Variants in CCDC125 observed in about 807,000 individuals in gnomAD.
CCDC125 encodes coiled-coil domain-containing protein 125.
In CCDC125, 43 loss-of-function variants were observed where a neutral mutation model predicts 57.4. The ratio of observed to expected loss-of-function variants is 0.75; its 90% CI spans 0.59 to 0.97. CCDC125 has a LOEUF of 0.97. CCDC125 is among the 50% of genes least tolerant of loss of function. The pLI, the probability that CCDC125 is intolerant of heterozygous loss-of-function variation, is 0.00. For synonymous variants in CCDC125, 187 were observed against 195.2 expected (o/e 0.96, Z 0.35); for missense variants, 563 against 595.7 (o/e 0.95, Z 0.57).
intron 7 of CCDC125, among the ~76,000 whole-genome samples, chr5:69,303,077 T>G (rs1756756350): frequency 6.6e-6 from 1 of 152,168 alleles, no homozygotes. Flanking sequence ...TGCAGTGCAG[T>G]GGCACAATCA....
At chr5:69,324,374 T>C (rs1175700770) in intron 1 of CCDC125, among the ~76,000 whole-genome samples, 3 of 152,214 alleles carry the variant, frequency 2.0e-5, no homozygotes, top group Non-Finnish European at 4.4e-5. Flanking sequence ...GAAACTCTCA[T>C]ACATTGGTGA....
At chr5:69,289,469 TAACCTGGATTG>T (rs1398993297) in intron 10 of CCDC125, among the ~76,000 whole-genome samples, 2 of 152,240 alleles carry the variant, frequency 1.3e-5, no homozygotes, top group African/African-American at 4.8e-5. Context: ...CAAAATCACC[TAACCTGGATTG>T]AACATTAAAG....
intron 1 of CCDC125, among the ~76,000 whole-genome samples, chr5:69,332,224 G>C (rs924876085): frequency 2.7e-4 from 41 of 152,216 alleles, no homozygotes; most frequent in Admixed American, 2.4e-3. Context: ...TAGATGTACA[G>C]TAAATTGCAA....
At chr5:69,307,023 T>C (rs1279365841) in intron 5 of CCDC125, 121 bp from the exon 6 acceptor site, 1 of 1,133,392 alleles carries the variant, frequency 8.8e-7, no homozygotes, top group Non-Finnish European at 1.1e-6. Context: ...GAGAAAAAAT[T>C]AATTATTGCT....
downstream of CCDC125, among the ~76,000 whole-genome samples, chr5:69,278,776 C>G (rs1752325433): frequency 6.8e-6 from 1 of 146,520 alleles, no homozygotes. Flanking sequence ...TCATGGCTCA[C>G]TGCAGCTTCG....
chr5:69,303,300 T>A (rs1756792373), intron 7 of CCDC125, among the ~76,000 whole-genome samples: 1 of 152,024 alleles, frequency 6.6e-6, no homozygotes, highest in Non-Finnish European at 1.5e-5. Context: ...TCCTCCTGCC[T>A]TGGCCTCCCA....
At chr5:69,303,166 A>G (rs1026723083) in intron 7 of CCDC125, among the ~76,000 whole-genome samples, 5 of 151,966 alleles carry the variant, frequency 3.3e-5, no homozygotes, top group Non-Finnish European at 7.4e-5. Context: ...ACTACAGGCC[A>G]GTGCCACCAC....
Position 69,308,006 on chromosome 5 carries a change from C to T in CCDC125, c.476G>A (p.Ser159Asn). ...QSMAILGKAT[S>N]HTQAVLQKTM... ...TTTTTGAAGCACTGCCTGCGTATGA[C>T]TTGTGGCTTTGCCCAGTATTGCCTA... The change falls in exon 5 of 12, where the codon AGT (serine) becomes AAT (asparagine). Residue 159 changes from serine to asparagine, a missense_variant. Physicochemically the swap from Ser to Asn is conservative, Grantham distance 46. Coordinates refer to ENST00000396496, the MANE Select transcript of CCDC125 (RefSeq NM_176816.5). 6.2e-7 allele frequency: 1 copy of T among 1,613,928 alleles called. No homozygotes were observed.
intron 1 of CCDC125, among the ~76,000 whole-genome samples, chr5:69,322,836 C>G (rs1225736158): frequency 6.7e-6 from 1 of 149,764 alleles, no homozygotes; most frequent in Non-Finnish European, 1.5e-5. Context: ...GCTGGGATTA[C>G]AGGTGTGAGC....
intron 10 of CCDC125, among the ~76,000 whole-genome samples, chr5:69,288,520 G>A (rs1221787305): frequency 6.6e-6 from 1 of 152,182 alleles, no homozygotes; most frequent in African/African-American, 2.4e-5. Context: ...GCCAAAGAGA[G>A]CATCCCTTCC....
At chr5:69,301,450 C>T (rs1756427165) in intron 7 of CCDC125, among the ~76,000 whole-genome samples, 1 of 151,804 alleles carries the variant, frequency 6.6e-6, no homozygotes, top group Non-Finnish European at 1.5e-5. Flanking sequence ...CAAAGTGAGT[C>T]ACCCCCATGT....
In CCDC125 at chr5:69,300,054, C is replaced by T. The variant is rs868414059; in HGVS notation, c.774G>A (p.Met258Ile). The change falls in exon 8 of 12, where the codon ATG becomes ATA. Residue 258 changes from methionine (M) to isoleucine (I), a missense_variant. By Grantham distance (10) the Met-to-Ile change is conservative (BLOSUM62 1). Coordinates refer to ENST00000396496, the MANE Select transcript of CCDC125 (RefSeq NM_176816.5). ...IKQQKMAQEN[M>I]CCDKSGFAEA... Reference sequence around the variant, plus strand: ...CTGCAAAGCCACTTTTATCACAGCACATGTTTTCCTGAGCCATCTTCTGCT... The same window carrying T: ...CTGCAAAGCCACTTTTATCACAGCATATGTTTTCCTGAGCCATCTTCTGCT... 3.7e-6 allele frequency: 6 copies of T among 1,614,226 alleles called. No individual in the cohort carries two copies. In the African/African-American group the frequency reaches 8.0e-5, roughly 22 times the overall value.
At chr5:69,327,094 CT>C (rs34614722) in intron 1 of CCDC125, among the ~76,000 whole-genome samples, 39,914 of 136,568 alleles carry the variant, frequency 0.29, 6,488 homozygotes, top group African/African-American at 0.51. Flanking sequence ...TATTCTCCCA[CT>C]TTTTTTTTTT....
At chr5:69,288,292 C>T (rs895942598) in intron 10 of CCDC125, among the ~76,000 whole-genome samples, 3 of 152,086 alleles carry the variant, frequency 2.0e-5, no homozygotes, top group Admixed American at 2.0e-4. Context: ...GCCAGGGGAA[C>T]CAATCTTGTG....
rs907939531 is a variant in CCDC125, at chr5:69,318,522, C to T, written c.304+1715G>A. ...TTTTGGGAGGCTGAGGTGGGCGGAT[C>T]ACTTGAGGTCAGGAGTTTGAAACCA... On this transcript the variant is annotated intron_variant, in intron 2 of 11. Transcript: ENST00000396496. Among the ~76,000 whole-genome samples the T allele has an allele frequency of 1.1e-4, 16 of 149,552 alleles. No homozygotes were observed. In the South Asian group the frequency reaches 3.4e-3, roughly 32 times the overall value.
chr5:69,295,855 C>T (rs1436833647), intron 8 of CCDC125, among the ~76,000 whole-genome samples: 1 of 151,740 alleles, frequency 6.6e-6, no homozygotes, highest in African/African-American at 2.4e-5. Flanking sequence ...TATAAGCCAG[C>T]ACAAACTTCT....
chr5:69,311,374 G>A (rs554788345), intron 3 of CCDC125, among the ~76,000 whole-genome samples, 170 bp from the exon 4 acceptor site: 16 of 152,272 alleles, frequency 1.1e-4, no homozygotes, highest in East Asian at 5.8e-4. Flanking sequence ...AGCCTCGGCC[G>A]GGCAAGGTGG....
rs1294336627 is a variant in CCDC125 at position 69,311,147 on chromosome 5, C to T, written c.424G>A (p.Glu142Lys). 1 of 1,611,488 alleles carries T rather than the reference C, an allele frequency of 6.2e-7. No individual in the cohort carries two copies. Among genetic ancestry groups the T allele is most frequent in the Non-Finnish European group, 8.5e-7 (1 of 1,178,354 alleles). Residue 142 changes from glutamate to lysine, a missense_variant, in exon 4 of 12, where the codon GAG (glutamate) becomes AAG (lysine). Physicochemically the swap from Glu to Lys is moderately conservative, Grantham distance 56. Transcript: ENST00000396496. ...CTTTGAAGAATTTTCAATGCTTCCT[C>T]TTTACCTCTGAGTTGTCTTTGAGAT... Reference protein sequence around the residue: ...EASQRQLRGKEEALKILQSMA... With the variant: ...EASQRQLRGKKEALKILQSMA...
At chr5:69,328,219 TTAAAA>T (rs1387236187) in intron 1 of CCDC125, among the ~76,000 whole-genome samples, 3 of 152,166 alleles carry the variant, frequency 2.0e-5, no homozygotes. Context: ...ATTTTTTAAA[TTAAAA>T]TGAGTCTGTA....
Sources: gnomAD v4.1 joint callset for allele counts (sites outside exome capture counted in the v4.1 genomes callset) on GRCh38, gnomAD v4.1.1 for gene constraint, MANE v1.5 for transcripts, NCBI Gene and HGNC (gene_info 2026-07-23, HGNC 2026-07-21) for gene names.